The following GANC variants were observed in gnomAD, a reference collection of about 807,000 sequenced individuals.
GANC encodes the protein neutral alpha-glucosidase C.
GANC carries 117 observed loss-of-function variants against 124.2 expected under a neutral mutation model. The ratio of observed to expected loss-of-function variants is 0.94; its 90% confidence interval spans 0.81 to 1.10. GANC has a LOEUF of 1.10. Ranked by LOEUF, GANC falls within the 50% of genes least tolerant of loss-of-function variation. GANC has a pLI of 0.00. For synonymous variants in GANC, 377 were observed against 376.8 expected (o/e 1.00, Z -0.01); for missense variants, 1,140 against 1,095.0 (o/e 1.04, Z -0.58).
In GANC at chr15:42,292,927, T is replaced by C; in HGVS notation, c.512+10T>C. ...TTCTTCACAAACAAAGGTATTCTTATGCATTACTTGACACATAAAGACCTT... is the reference window on the plus strand; with the variant it reads ...TTCTTCACAAACAAAGGTATTCTTACGCATTACTTGACACATAAAGACCTT... On this transcript the variant is annotated intron_variant, in intron 5 of 23. Coordinates refer to ENST00000318010, the MANE Select transcript of GANC (RefSeq NM_198141.3). The C allele has an allele frequency of 6.2e-7, 1 of 1,612,128 alleles. No homozygotes were observed. The highest frequency in any genetic ancestry group is 8.5e-7 in the Non-Finnish European group (1 of 1,178,380).
chr15:42,336,159 A>AT (rs2052281987), intron 15 of GANC, among the ~76,000 whole-genome samples: 1 of 123,640 alleles, frequency 8.1e-6, no homozygotes, highest in South Asian at 2.5e-4. Flanking sequence ...AGAAAAAAAA[A>AT]AGAGCCTGAA....
In GANC at chr15:42,321,898, C is replaced by T. The variant is rs1231620570; in HGVS notation, c.1171C>T (p.Pro391Ser). 2 of 1,614,126 alleles carry T rather than the reference C, an allele frequency of 1.2e-6. No homozygotes were observed. Among genetic ancestry groups the T allele is most frequent in the Non-Finnish European group, 1.7e-6 (2 of 1,180,012 alleles). Residue 391 changes from proline to serine, a missense_variant, in exon 11 of 24, where the codon CCT (proline) becomes TCT (serine). Pro to Ser is a moderately conservative substitution (Grantham distance 74). Transcript: ENST00000318010. The stretch of plus-strand genomic sequence containing the variant: ...TGCAGGGTTTGATGAGCATGACATT[C>T]CTTATGATGCCATGTGGCTGGACAT... The part of the protein sequence containing the change: ...VDAGFDEHDI[P>S]YDAMWLDIEH...
chr15:42,311,868 T>A (rs1461762069), intron 10 of GANC, among the ~76,000 whole-genome samples: 1 of 151,952 alleles, frequency 6.6e-6, no homozygotes, highest in African/African-American at 2.4e-5. Context: ...AAATTAGTTC[T>A]GTTTCTATAT....
intron 2 of GANC, among the ~76,000 whole-genome samples, chr15:42,277,762 G>A (rs1440049121): frequency 2.0e-5 from 3 of 151,386 alleles, no homozygotes; most frequent in South Asian, 2.1e-4. Context: ...CACCACGCCC[G>A]GCTAATTTTT....
intron 15 of GANC, among the ~76,000 whole-genome samples, chr15:42,334,152 CAT>C (rs2052266846): frequency 7.5e-6 from 1 of 132,520 alleles, no homozygotes; most frequent in Non-Finnish European, 1.6e-5. Flanking sequence ...TGGAAAAAAA[CAT>C]AGAATAAAAT....
At chr15:42,349,980 A>G (rs1180448300) in intron 22 of GANC, among the ~76,000 whole-genome samples, 1 of 146,274 alleles carries the variant, frequency 6.8e-6, no homozygotes, top group African/African-American at 2.5e-5. Flanking sequence ...CCTTTCTACC[A>G]TAAACAATCC....
At chr15:42,303,451 T>C (rs934966546) in intron 6 of GANC, among the ~76,000 whole-genome samples, 19 of 152,130 alleles carry the variant, frequency 1.2e-4, no homozygotes, top group African/African-American at 3.9e-4. Context: ...CATTAACTAA[T>C]GGGCAAAATA....
chr15:42,313,847 C>G (rs1441751249), intron 10 of GANC: 1 of 554,064 alleles, frequency 1.8e-6, no homozygotes, highest in Admixed American at 3.4e-5. Flanking sequence ...AAAGTGCTTC[C>G]TTGAATTCAA....
rs187967458 is a variant in GANC at position 42,313,502 on chromosome 15, A to G, written c.1057+2656A>G. Among the ~76,000 whole-genome samples the G allele has an allele frequency of 1.7e-3, 255 of 152,346 alleles. 1 individual carries two copies. Among genetic ancestry groups the G allele is most frequent in the Non-Finnish European group, 2.1e-3 (140 of 68,022 alleles). ...TATATCTGATATGGGTCTCTTATCCAGAATACATGAAGAACTGTCTACCAC... is the reference window on the plus strand; with the variant it reads ...TATATCTGATATGGGTCTCTTATCCGGAATACATGAAGAACTGTCTACCAC... On this transcript the variant is annotated intron_variant, in intron 10 of 23. Transcript: ENST00000318010.
chr15:42,296,980 G>A (rs1011719522), intron 5 of GANC, among the ~76,000 whole-genome samples: 16 of 151,388 alleles, frequency 1.1e-4, no homozygotes, highest in Non-Finnish European at 2.2e-4. Context: ...TTTTAGATTG[G>A]CAAAAACTGA....
At chr15:42,279,174 A>G (rs1566948224) in intron 3 of GANC, among the ~76,000 whole-genome samples, 1 of 152,326 alleles carries the variant, frequency 6.6e-6, no homozygotes, top group Non-Finnish European at 1.5e-5. Flanking sequence ...GAGGTACATT[A>G]TATTATCCCA....
intron 6 of GANC, 127 bp from the exon 7 acceptor site, chr15:42,306,419 G>A: frequency 1.4e-6 from 1 of 696,188 alleles, no homozygotes; most frequent in Non-Finnish European, 2.5e-6. Context: ...GTCACACACT[G>A]GTCTTCTAAA....
intron 6 of GANC, among the ~76,000 whole-genome samples, chr15:42,304,517 A>G (rs1179909937): frequency 6.6e-6 from 1 of 152,230 alleles, no homozygotes; most frequent in Non-Finnish European, 1.5e-5. Context: ...AAGAATCAAT[A>G]TTGTGAAAAT....
intron 5 of GANC, among the ~76,000 whole-genome samples, chr15:42,294,405 C>G (rs555679165): frequency 6.6e-6 from 1 of 150,948 alleles, no homozygotes; most frequent in Non-Finnish European, 1.5e-5. Flanking sequence ...GAAACCCTGT[C>G]TCTAGTAAAA....
rs929862273 is a variant in GANC at position 42,327,580 on chromosome 15, C to A, written c.1500+138C>A. The A allele has an allele frequency of 8.0e-5, 55 of 691,458 alleles. 2 individuals carry two copies. The African/African-American group carries it at 8.3e-4, about 10-fold the overall frequency. The allele number at this position is 691,458 out of a possible 1,614,324, so 42.8% of individuals were successfully genotyped here. Reference sequence around the variant, plus strand: ...TTTTATTAAAAGGCAAGTATGGCCACCACATTACAGACTCTGGGGGTGCTG... The same window carrying A: ...TTTTATTAAAAGGCAAGTATGGCCAACACATTACAGACTCTGGGGGTGCTG... On this transcript the variant is annotated intron_variant, in intron 13 of 23. Coordinates refer to ENST00000318010, the MANE Select transcript of GANC (RefSeq NM_198141.3).
Position 42,339,836 on chromosome 15 carries a change from A to T in GANC, c.2011A>T (p.Arg671Ter). The T allele has an allele frequency of 6.2e-7, 1 of 1,614,108 alleles. No homozygotes were observed. Residue 671 changes from arginine to a stop codon, truncating the protein, a stop_gained, in exon 17 of 24, where the codon AGA (arginine) becomes TGA (stop). Coordinates refer to ENST00000318010, the MANE Select transcript of GANC (RefSeq NM_198141.3). LOFTEE classifies it high-confidence loss of function. Reference sequence around the variant, plus strand: ...CACCCGACTCATCCGAGAAGCCATCAGAGAGCGCTATGGCCTCCTGCCATA... The same window carrying T: ...CACCCGACTCATCCGAGAAGCCATCTGAGAGCGCTATGGCCTCCTGCCATA... ...EHTRLIREAI[R>*]ERYGLLPYWY... is the part of the protein sequence containing the mutation.
chr15:42,325,906 A>G (rs1455265984), intron 11 of GANC, among the ~76,000 whole-genome samples: 2 of 152,150 alleles, frequency 1.3e-5, no homozygotes, highest in Non-Finnish European at 2.9e-5. Context: ...ACAGGTGGAC[A>G]CCACCACACC....
chr15:42,301,881 C>T (rs1213711121), intron 6 of GANC, among the ~76,000 whole-genome samples: 1 of 152,224 alleles, frequency 6.6e-6, no homozygotes, highest in East Asian at 1.9e-4. Flanking sequence ...ACTCCCATCT[C>T]CCTGGGACAG....
At chr15:42,302,196 A>G (rs1470322279) in intron 6 of GANC, among the ~76,000 whole-genome samples, 3 of 152,170 alleles carry the variant, frequency 2.0e-5, no homozygotes, top group Non-Finnish European at 4.4e-5. Flanking sequence ...CTCTGCTGGT[A>G]ATACTCAGTC....
Sources: allele counts gnomAD v4.1 joint callset (sites outside exome capture counted in the v4.1 genomes callset), GRCh38; gene constraint gnomAD v4.1.1; transcripts MANE v1.5; gene names NCBI Gene and HGNC (gene_info 2026-07-23, HGNC 2026-07-21).